PAPPA: variants seen among roughly 807,000 people sequenced by gnomAD.
PAPPA encodes the protein pappalysin-1.
A neutral mutation model predicts 164.0 loss-of-function variants in PAPPA; 60 were observed. That is an observed-to-expected ratio of 0.37 (90% CI 0.30 to 0.45). PAPPA has a LOEUF of 0.45. Among genes scored for constraint, PAPPA ranks in the 20% least tolerant of loss-of-function variants. PAPPA has a pLI of 1.00. For missense variants in PAPPA, 1,782 were observed against 2,087.3 expected (o/e 0.85, Z 2.85); for synonymous variants, 875 against 814.1 (o/e 1.07, Z -1.27).
At chr9:116,156,348 G>GTGTATA (rs1554730879) in intron 1 of PAPPA, among the ~76,000 whole-genome samples, 4 of 117,100 alleles carry the variant, frequency 3.4e-5, no homozygotes, top group African/African-American at 1.2e-4. Flanking sequence ...ATATATATAT[G>GTGTATA]TATATATATA....
intron 19 of PAPPA, among the ~76,000 whole-genome samples, chr9:116,374,197 ATGG>A (rs1379795455): frequency 2.9e-4 from 31 of 106,546 alleles, no homozygotes; most frequent in African/African-American, 7.1e-4. Flanking sequence ...GGTGATGATG[ATGG>A]TGGTGCCAAT....
rs1846186212 is a variant in PAPPA at position 116,344,773 on chromosome 9, A to C, written c.3780+62A>C. On this transcript the variant is annotated intron_variant, in intron 14 of 21. Transcript: ENST00000328252. ...CCCAGGGAAGGCTTACTGGGTGTTAACCATGTTCTCTGCTAAATACCCAGC... is the reference window on the plus strand; with the variant it reads ...CCCAGGGAAGGCTTACTGGGTGTTACCCATGTTCTCTGCTAAATACCCAGC... 3 of 1,476,638 alleles carry C rather than the reference A, an allele frequency of 2.0e-6. No individual in the cohort carries two copies. In the South Asian group the frequency reaches 3.6e-5, roughly 18 times the overall value. 91.5% of individuals were successfully genotyped at this position (1,476,638 alleles called of 1,614,324 possible).
rs1301901607 is a variant in PAPPA at position 116,227,692 on chromosome 9, A to G, written c.2233+140A>G. Reference sequence around the variant, plus strand: ...AGTAACATCATCCTGCAAGGTTAGTAGTCAAGCGCTCATCCATTTGACAAA... The same window carrying G: ...AGTAACATCATCCTGCAAGGTTAGTGGTCAAGCGCTCATCCATTTGACAAA... On this transcript the variant is annotated intron_variant, in intron 6 of 21. Coordinates refer to ENST00000328252, the MANE Select transcript of PAPPA (RefSeq NM_002581.5). 1.3e-5 allele frequency: 11 copies of G among 871,556 alleles called. No homozygotes were observed. The South Asian group carries it at 2.0e-4, about 16-fold the overall frequency. 54.0% of individuals were successfully genotyped at this position (871,556 alleles called of 1,614,324 possible).
At chr9:116,390,894 A>G (rs1846883317) in intron 21 of PAPPA, among the ~76,000 whole-genome samples, 1 of 152,106 alleles carries the variant, frequency 6.6e-6, no homozygotes, top group Admixed American at 6.6e-5. Flanking sequence ...TAGCATCATC[A>G]TTTATTGAGC....
At chr9:116,344,000 T>C (rs1375828173) in intron 13 of PAPPA, among the ~76,000 whole-genome samples, 2 of 152,038 alleles carry the variant, frequency 1.3e-5, no homozygotes, top group Non-Finnish European at 2.9e-5. Flanking sequence ...ACTCCTGACC[T>C]CGTGATCTGC....
chr9:116,225,771 T>G (rs1369809577), intron 5 of PAPPA, among the ~76,000 whole-genome samples: 2 of 152,150 alleles, frequency 1.3e-5, no homozygotes, highest in Non-Finnish European at 2.9e-5. Context: ...TGCACTAAGT[T>G]AGCCATGAGT....
chr9:116,277,193 A>G (rs1283085634), intron 9 of PAPPA, among the ~76,000 whole-genome samples: 1 of 152,174 alleles, frequency 6.6e-6, no homozygotes, highest in Non-Finnish European at 1.5e-5. Flanking sequence ...TAAAATTAAG[A>G]AAACAAAATA....
At chr9:116,184,550 C>T (rs544253849) in intron 1 of PAPPA, among the ~76,000 whole-genome samples, 7 of 152,150 alleles carry the variant, frequency 4.6e-5, no homozygotes, top group African/African-American at 1.4e-4. Context: ...TTTGGACAGC[C>T]GTTGTATGCG....
intron 7 of PAPPA, among the ~76,000 whole-genome samples, chr9:116,244,457 A>G (rs1421259078): frequency 1.3e-5 from 2 of 152,198 alleles, no homozygotes; most frequent in African/African-American, 4.8e-5. Flanking sequence ...CTGCATGTCA[A>G]TCTTTGTACT....
At chr9:116,285,646 G>C (rs1194656275) in intron 9 of PAPPA, among the ~76,000 whole-genome samples, 2 of 152,028 alleles carry the variant, frequency 1.3e-5, no homozygotes, top group Non-Finnish European at 2.9e-5. Context: ...ACAGTATCTT[G>C]TACCTCATGA....
intron 13 of PAPPA, among the ~76,000 whole-genome samples, chr9:116,339,887 G>A (rs1026876820): frequency 1.3e-5 from 2 of 152,176 alleles, no homozygotes; most frequent in Non-Finnish European, 2.9e-5. Flanking sequence ...ACAGCAGTGG[G>A]GGGATTGGCT....
At chr9:116,284,940 T>C (rs1845314206) in intron 9 of PAPPA, among the ~76,000 whole-genome samples, 1 of 152,130 alleles carries the variant, frequency 6.6e-6, no homozygotes, top group East Asian at 1.9e-4. Flanking sequence ...ATGTTGCTTG[T>C]TCATTTTTTT....
At chr9:116,223,661 A>T (rs1844471418) in intron 5 of PAPPA, among the ~76,000 whole-genome samples, 1 of 152,262 alleles carries the variant, frequency 6.6e-6, no homozygotes, top group Non-Finnish European at 1.5e-5. Context: ...AAAAGAAGTC[A>T]GTCCACAAAT....
intron 9 of PAPPA, among the ~76,000 whole-genome samples, chr9:116,280,176 C>T (rs1488476860): frequency 6.6e-6 from 1 of 152,076 alleles, no homozygotes; most frequent in African/African-American, 2.4e-5. Flanking sequence ...TTTTTGATGC[C>T]TGCTGTATGC....
At chr9:116,366,039 AG>A (rs1321689700) in intron 18 of PAPPA, among the ~76,000 whole-genome samples, 1 of 152,148 alleles carries the variant, frequency 6.6e-6, no homozygotes, top group Non-Finnish European at 1.5e-5. Context: ...TATATTTGGA[AG>A]GGGGGACTTT....
At chr9:116,238,073 T>C (rs904748850) in intron 7 of PAPPA, among the ~76,000 whole-genome samples, 2 of 152,184 alleles carry the variant, frequency 1.3e-5, no homozygotes, top group African/African-American at 4.8e-5. Flanking sequence ...AAAAATTGCC[T>C]GGGTCTCACT....
chr9:116,299,065 G>A (rs1294208740), intron 9 of PAPPA, among the ~76,000 whole-genome samples: 2 of 152,162 alleles, frequency 1.3e-5, no homozygotes, highest in African/African-American at 4.8e-5. Context: ...GGAGTAGAGA[G>A]GGAGAGAGAA....
intron 13 of PAPPA, 150 bp from the exon 14 acceptor site, chr9:116,344,393 G>A: frequency 1.5e-6 from 1 of 666,042 alleles, no homozygotes; most frequent in East Asian, 2.5e-5. Flanking sequence ...TGCCTCTAGA[G>A]TCATCTTCAC....
Position 116,368,947 on chromosome 9 carries a change from T to G in PAPPA, c.4605+1193T>G, listed in dbSNP as rs1588023443. Among the ~76,000 whole-genome samples, 4 of 152,140 alleles carry G rather than the reference T, an allele frequency of 2.6e-5. No individual in the cohort carries two copies. In the South Asian group the frequency reaches 8.3e-4, roughly 32 times the overall value. ...TGGCCAGACCTCCTCCACTCCTCTG[T>G]GCGCCCCGGCATGCTCCTCCACTCC... On this transcript the variant is annotated intron_variant, in intron 19 of 21. Transcript: ENST00000328252.
Sources: gnomAD v4.1 joint callset for allele counts (sites outside exome capture counted in the v4.1 genomes callset) on GRCh38, gnomAD v4.1.1 for gene constraint, MANE v1.5 for transcripts, NCBI Gene and HGNC (gene_info 2026-07-23, HGNC 2026-07-21) for gene names.